Variants in CLDN10 observed in about 807,000 individuals in gnomAD.
CLDN10 encodes the protein claudin 10.
Under a neutral mutation model 22.9 loss-of-function variants are expected in CLDN10, and 15 were observed. That is an observed-to-expected ratio of 0.65 (90% CI 0.44 to 1.01). The LOEUF (loss-of-function observed/expected upper bound fraction) is 1.01, where lower values mean the gene tolerates loss of function less well. Among genes scored for constraint, CLDN10 ranks in the 50% least tolerant of loss-of-function variants. The pLI is 0.00. For missense variants in CLDN10, 247 were observed against 287.8 expected (o/e 0.86, Z 1.03); for synonymous variants, 114 against 111.4 (o/e 1.02, Z -0.15).
At chr13:95,497,924 ATTGAGAAGGTAAACTTGAACATTTTTC>A (rs897218122) in intron 1 of CLDN10, among the ~76,000 whole-genome samples, 3 of 152,264 alleles carry the variant, frequency 2.0e-5, no homozygotes, top group African/African-American at 7.2e-5. Context: ...GGTTTAGGAC[ATTGAGAAGGTAAACTTGAACATTTTTC>A]TTTAAAATAA....
chr13:95,499,349 C>T (rs766823758), intron 1 of CLDN10, among the ~76,000 whole-genome samples: 34 of 152,132 alleles, frequency 2.2e-4, no homozygotes, highest in Non-Finnish European at 1.5e-5. Flanking sequence ...CTAGACCACC[C>T]TAGCCAACAT....
intron 3 of CLDN10, among the ~76,000 whole-genome samples, chr13:95,572,583 T>C (rs1434072665): frequency 6.6e-6 from 1 of 152,212 alleles, no homozygotes; most frequent in Non-Finnish European, 1.5e-5. Context: ...ACAGTAATAG[T>C]AGCTATTGTT....
At chr13:95,500,945 C>T (rs143357348) in intron 1 of CLDN10, among the ~76,000 whole-genome samples, 187 of 152,088 alleles carry the variant, frequency 1.2e-3, no homozygotes, top group African/African-American at 4.1e-3. Context: ...AGAGAGGGCG[C>T]GGCATGTAAG....
intron 3 of CLDN10, among the ~76,000 whole-genome samples, chr13:95,561,764 C>CTTT (rs201890987): frequency 1.2e-4 from 16 of 135,312 alleles, no homozygotes; most frequent in Non-Finnish European, 2.2e-4. Context: ...TTCTTTCGTC[C>CTTT]TTTTTTTTTT....
At chr13:95,502,734 T>C (rs2042998631) in intron 1 of CLDN10, among the ~76,000 whole-genome samples, 1 of 152,178 alleles carries the variant, frequency 6.6e-6, no homozygotes, top group Non-Finnish European at 1.5e-5. Context: ...TTGGCCAGGC[T>C]GGTCTTGAAC....
chr13:95,522,310 A>G (rs1303237531), intron 1 of CLDN10, among the ~76,000 whole-genome samples: 3 of 152,080 alleles, frequency 2.0e-5, no homozygotes, highest in East Asian at 1.9e-4. Flanking sequence ...ACAAGTTTTA[A>G]TGTCTTGTAT....
intron 1 of CLDN10, among the ~76,000 whole-genome samples, chr13:95,445,403 C>T (rs896672541): frequency 6.6e-6 from 1 of 152,216 alleles, no homozygotes; most frequent in Non-Finnish European, 1.5e-5. Flanking sequence ...GCAGAGAATA[C>T]CCATGGGGCT....
chr13:95,478,516 GA>G (rs1399663651), intron 1 of CLDN10, among the ~76,000 whole-genome samples: 1 of 152,212 alleles, frequency 6.6e-6, no homozygotes, highest in African/African-American at 2.4e-5. Flanking sequence ...AGAGAACAGA[GA>G]AACAGAGGAA....
intron 1 of CLDN10, among the ~76,000 whole-genome samples, chr13:95,455,969 T>C (rs1387845272): frequency 6.6e-6 from 1 of 152,260 alleles, no homozygotes; most frequent in African/African-American, 2.4e-5. Flanking sequence ...TTTAATTTAA[T>C]TATGAAACAG....
At chr13:95,508,081 C>T (rs190301168) in intron 1 of CLDN10, among the ~76,000 whole-genome samples, 50 of 152,048 alleles carry the variant, frequency 3.3e-4, no homozygotes, top group African/African-American at 1.1e-3. Context: ...GAGCATGACC[C>T]TGTCTTAAAA....
chr13:95,457,658 C>T (rs532157007), intron 1 of CLDN10, among the ~76,000 whole-genome samples: 34 of 152,136 alleles, frequency 2.2e-4, no homozygotes, highest in South Asian at 4.1e-4. Context: ...CCCTCAGTTT[C>T]GCTGGGGATG....
intron 1 of CLDN10, among the ~76,000 whole-genome samples, chr13:95,436,004 G>C (rs2042266776): frequency 6.6e-6 from 1 of 151,056 alleles, no homozygotes; most frequent in African/African-American, 2.4e-5. Flanking sequence ...GTTTCATTCT[G>C]TATTTCTTAA....
At chr13:95,440,532 C>T (rs1321928835) in intron 1 of CLDN10, among the ~76,000 whole-genome samples, 1 of 152,058 alleles carries the variant, frequency 6.6e-6, no homozygotes, top group African/African-American at 2.4e-5. Flanking sequence ...TAAAAATAGC[C>T]AAGCATGGCA....
At chr13:95,495,615 G>C (rs887903373) in intron 1 of CLDN10, among the ~76,000 whole-genome samples, 3 of 151,150 alleles carry the variant, frequency 2.0e-5, no homozygotes, top group African/African-American at 7.3e-5. Context: ...ATAGTGGCGC[G>C]CGCCTGTAAT....
At chr13:95,502,016 TC>T (rs2042990964) in intron 1 of CLDN10, among the ~76,000 whole-genome samples, 1 of 152,236 alleles carries the variant, frequency 6.6e-6, no homozygotes, top group South Asian at 2.1e-4. Flanking sequence ...TACTTTGAAT[TC>T]ATAGCATCTA....
At chr13:95,571,884 G>A (rs1270883986) in intron 3 of CLDN10, among the ~76,000 whole-genome samples, 1 of 152,096 alleles carries the variant, frequency 6.6e-6, no homozygotes, top group Non-Finnish European at 1.5e-5. Context: ...AATGCATTTT[G>A]GCTGTTACTA....
chr13:95,544,056 T>C (rs1329271820), intron 1 of CLDN10, among the ~76,000 whole-genome samples: 3 of 152,208 alleles, frequency 2.0e-5, no homozygotes, highest in Non-Finnish European at 4.4e-5. Context: ...TATCCTTTTT[T>C]GACTAATAAA....
At chr13:95,438,975 C>CAAAAAAAA (rs397851895) in intron 1 of CLDN10, among the ~76,000 whole-genome samples, 3 of 62,230 alleles carry the variant, frequency 4.8e-5, no homozygotes, top group African/African-American at 2.0e-4. Flanking sequence ...GACTCCATCG[C>CAAAAAAAA]AAAAAAAAAA....
chr13:95,536,587 T>G (rs1411521716), intron 1 of CLDN10, among the ~76,000 whole-genome samples: 1 of 152,240 alleles, frequency 6.6e-6, no homozygotes, highest in Non-Finnish European at 1.5e-5. Context: ...TTGTAATGAT[T>G]GTCACAATTT....
Sources: gnomAD v4.1 joint callset for allele counts (sites outside exome capture counted in the v4.1 genomes callset) on GRCh38, gnomAD v4.1.1 for gene constraint, MANE v1.5 for transcripts, NCBI Gene and HGNC (gene_info 2026-07-23, HGNC 2026-07-21) for gene names.